Variants in TRIM45 observed in about 807,000 individuals in gnomAD.
TRIM45 encodes tripartite motif containing 45.
A neutral mutation model predicts 46.7 loss-of-function variants in TRIM45; 45 were observed. The observed-to-expected ratio is 0.96, with a 90% CI of 0.76 to 1.24. TRIM45 has a LOEUF of 1.24. Among genes scored for constraint, TRIM45 ranks in the 50% most tolerant of loss-of-function variants. The pLI is 0.00. For missense variants in TRIM45, 680 were observed against 728.4 expected, an observed-to-expected ratio of 0.93 and a Z score of 0.77; for synonymous variants, 259 against 285.8, an observed-to-expected ratio of 0.91 and a Z score of 0.94.
At position 117,120,833 on chromosome 1, in the gene TRIM45, C is replaced by T. The variant is rs769240342; in HGVS notation, c.369G>A (p.Leu123=). ...CCTGGCCTTCCCCACGTAGGCTCTC[C>T]AGCATCACATCATTCACGGCCAGGT... ...IDHLAVNDVM[L]ESLRGEGQGL... Residue 123 remains leucine, a synonymous_variant, in exon 1 of 6, where the codon CTG becomes CTA. Coordinates refer to ENST00000256649, the MANE Select transcript of TRIM45 (RefSeq NM_025188.4). The T allele has an allele frequency of 2.5e-6, 4 of 1,614,184 alleles. No individual in the cohort carries two copies. The highest frequency in any genetic ancestry group is 3.4e-6 in the Non-Finnish European group (4 of 1,180,032).
rs114616811 is a variant in TRIM45 at position 117,113,125 on chromosome 1, T to C, written c.1594+234A>G. 3.3e-3 allele frequency among the ~76,000 whole-genome samples: 497 copies of C among 152,324 alleles called. No individual in the cohort carries two copies. Among genetic ancestry groups the C allele is most frequent in the Non-Finnish European group, 6.0e-3 (408 of 68,006 alleles). On this transcript the variant is annotated intron_variant, in intron 5 of 5. Coordinates refer to ENST00000256649, the MANE Select transcript of TRIM45 (RefSeq NM_025188.4). This position sits in a 1 kb window ranked among gnomAD's most constrained non-coding sequence, Gnocchi z 4.0. Reference sequence around the variant, plus strand: ...ATCCTACATAGAAGCACAGGGCTCATAGGAGCTGTACCAAAACTAACAGAA... The same window carrying C: ...ATCCTACATAGAAGCACAGGGCTCACAGGAGCTGTACCAAAACTAACAGAA...
chr1:117,118,594 T>A lies in TRIM45; in HGVS notation c.662A>T (p.Glu221Val). The A allele has an allele frequency of 6.2e-7, 1 of 1,614,104 alleles. No individual in the cohort carries two copies. The highest frequency in any genetic ancestry group is 1.1e-5 in the South Asian group (1 of 91,058). Reference sequence around the variant, plus strand: ...ATTGCTGGTGAAGTCACAGGGGTGTTCCCGATGCTCCCCCACCACACAATC... The same window carrying A: ...ATTGCTGGTGAAGTCACAGGGGTGTACCCGATGCTCCCCCACCACACAATC... Reference protein sequence around the residue: ...CQDCVVGEHREHPCDFTSNVI... With the variant: ...CQDCVVGEHRVHPCDFTSNVI... Residue 221 changes from glutamate to valine, a missense_variant, in exon 2 of 6, where the codon GAA (glutamate) becomes GTA (valine). Coordinates refer to ENST00000256649, the MANE Select transcript of TRIM45 (RefSeq NM_025188.4). This position sits in a 1 kb window ranked among gnomAD's most constrained non-coding sequence, Gnocchi z 5.7.
rs1396756864 is a variant in TRIM45, at chr1:117,118,151, T to C, written c.1105A>G (p.Asn369Asp). The C allele has an allele frequency of 6.2e-7, 1 of 1,614,048 alleles. No homozygotes were observed. Among genetic ancestry groups the C allele is most frequent in the Non-Finnish European group, 8.5e-7 (1 of 1,180,042 alleles). Reference sequence around the variant, plus strand: ...TGAGGACAGAAGCGTATCTTATCATTTACTCCAGGACGGGTGCTATATTGA... The same window carrying C: ...TGAGGACAGAAGCGTATCTTATCATCTACTCCAGGACGGGTGCTATATTGA... ...KVQYSTRPGV[N>D]DKIRFCPQEK... Residue 369 changes from asparagine to aspartate, a missense_variant, in exon 2 of 6, where the codon AAT (asparagine) becomes GAT (aspartate). Coordinates refer to ENST00000256649, the MANE Select transcript of TRIM45 (RefSeq NM_025188.4). This position sits in a 1 kb window ranked among gnomAD's most constrained non-coding sequence, Gnocchi z 5.7.
In TRIM45 at chr1:117,121,735, C is replaced by G; in HGVS notation, c.-534G>C. The G allele has an allele frequency of 1.6e-6, 1 of 619,784 alleles. No homozygotes were observed. Among genetic ancestry groups the G allele is most frequent in the Non-Finnish European group, 3.0e-6 (1 of 338,548 alleles). 38.4% of individuals were successfully genotyped at this position (619,784 alleles called of 1,614,324 possible). On this transcript the variant is annotated 5_prime_UTR_variant, in exon 1 of 6. Coordinates refer to ENST00000256649, the MANE Select transcript of TRIM45 (RefSeq NM_025188.4). The surrounding 1 kb of genome is among the most constrained non-coding windows in gnomAD (Gnocchi z 4.2). ...CTCTCCCGCGCCTCGGCCCGGGACG[C>G]CCGCGGGCTCTGGCCCCTCCTCACA...
intron 4 of TRIM45, among the ~76,000 whole-genome samples, chr1:117,114,164 A>G (rs1650317307): frequency 1.3e-5 from 2 of 152,070 alleles, no homozygotes; most frequent in Admixed American, 1.3e-4. Context: ...TTACTCACCC[A>G]CTTATTCTGG....
Position 117,121,268 on chromosome 1 carries a change from T to G in TRIM45, c.-67A>C. 6.7e-7 allele frequency: 1 copy of G among 1,490,586 alleles called. No homozygotes were observed. 92.3% of individuals were successfully genotyped at this position (1,490,586 alleles called of 1,614,324 possible). A position where few individuals can be genotyped will look rare whatever the true frequency, so the allele number is the denominator to read the frequency against. On this transcript the variant is annotated 5_prime_UTR_variant, in exon 1 of 6. Coordinates refer to ENST00000256649, the MANE Select transcript of TRIM45 (RefSeq NM_025188.4). The surrounding 1 kb of genome is among the most constrained non-coding windows in gnomAD (Gnocchi z 4.2). ...AGTTCTACGATTTAGTAGCAGGTGA[T>G]TAAGCCCACCCAAAGAGAAAGTCTC...
At chr1:117,121,864 T>C, upstream of TRIM45, 1 of 714,584 alleles carries the variant, frequency 1.4e-6, no homozygotes, top group Non-Finnish European at 2.6e-6. The surrounding 1 kb of genome is among the most constrained non-coding windows in gnomAD (Gnocchi z 4.2). Context: ...CCACTAAGCA[T>C]CCAATAAGTT....
rs954737328 is a variant in TRIM45, at chr1:117,113,513, A to G, written c.1468-28T>C. 5.6e-6 allele frequency: 9 copies of G among 1,606,478 alleles called. No homozygotes were observed. The highest frequency in any genetic ancestry group is 7.7e-6 in the Non-Finnish European group (9 of 1,175,772). ...GCAGTGTTCAGACCAAAAGCAATGA[A>G]CAGCATCTTACGAGTTAACAGGATG... On this transcript the variant is annotated intron_variant, in intron 4 of 5. Transcript: ENST00000256649. This position sits in a 1 kb window ranked among gnomAD's most constrained non-coding sequence, Gnocchi z 4.0.
chr1:117,112,105 A>G lies in TRIM45; in HGVS notation c.*200T>C. 1 of 495,062 alleles carries G rather than the reference A, an allele frequency of 2.0e-6. No homozygotes were observed. The highest frequency in any genetic ancestry group is 3.3e-6 in the Non-Finnish European group (1 of 300,390). 30.7% of individuals were successfully genotyped at this position (495,062 alleles called of 1,614,324 possible). A position where few individuals can be genotyped will look rare whatever the true frequency, so the allele number is the denominator to read the frequency against. On this transcript the variant is annotated 3_prime_UTR_variant, in exon 6 of 6. Transcript: ENST00000256649. Reference sequence around the variant, plus strand: ...ACGTTGCCAACCTACCTTTAAGAGAAATGTAGAGGTGGTTTTTTGTGCTCA... The same window carrying G: ...ACGTTGCCAACCTACCTTTAAGAGAGATGTAGAGGTGGTTTTTTGTGCTCA...
In TRIM45 at chr1:117,121,244, G is replaced by C. The variant is rs550317309; in HGVS notation, c.-43C>G. Reference sequence around the variant, plus strand: ...CCAATATTAGAAAGGGCCCTGGGCAGTTCTACGATTTAGTAGCAGGTGATT... The same window carrying C: ...CCAATATTAGAAAGGGCCCTGGGCACTTCTACGATTTAGTAGCAGGTGATT... On this transcript the variant is annotated 5_prime_UTR_variant, in exon 1 of 6. Transcript: ENST00000256649. The surrounding 1 kb of genome is among the most constrained non-coding windows in gnomAD (Gnocchi z 4.2). 9 of 1,501,260 alleles carry C rather than the reference G, an allele frequency of 6.0e-6. No homozygotes were observed. Among genetic ancestry groups the C allele is most frequent in the Middle Eastern group, 1.9e-4 (1 of 5,398 alleles). The allele number at this position is 1,501,260 out of a possible 1,614,324, so 93.0% of individuals were successfully genotyped here. A position where few individuals can be genotyped will look rare whatever the true frequency, so the allele number is the denominator to read the frequency against.
chr1:117,117,852 C>A lies in TRIM45; in HGVS notation c.1222+182G>T, dbSNP rs1053369536. Among the ~76,000 whole-genome samples, 1 of 152,190 alleles carries A rather than the reference C, an allele frequency of 6.6e-6. No homozygotes were observed. The highest frequency in any genetic ancestry group is 6.5e-5 in the Admixed American group (1 of 15,284). Reference sequence around the variant, plus strand: ...AAGCCTCACTCCTGTATTAACTGTACCCTAGCCAGAACAAACCAGAAAGGG... The same window carrying A: ...AAGCCTCACTCCTGTATTAACTGTAACCTAGCCAGAACAAACCAGAAAGGG... On this transcript the variant is annotated intron_variant, in intron 2 of 5. Transcript: ENST00000256649. This position sits in a 1 kb window ranked among gnomAD's most constrained non-coding sequence, Gnocchi z 4.9.
Position 117,118,260 on chromosome 1 carries a change from C to G in TRIM45, c.996G>C (p.Glu332Asp), listed in dbSNP as rs1650478659. The G allele has an allele frequency of 1.2e-6, 2 of 1,614,112 alleles. No individual in the cohort carries two copies. The highest frequency in any genetic ancestry group is 8.5e-7 in the Non-Finnish European group (1 of 1,180,048). Residue 332 changes from glutamate to aspartate, a missense_variant, in exon 2 of 6, where the codon GAG becomes GAC. Coordinates refer to ENST00000256649, the MANE Select transcript of TRIM45 (RefSeq NM_025188.4). This position sits in a 1 kb window ranked among gnomAD's most constrained non-coding sequence, Gnocchi z 5.7. ...AGTCTGAGCCGCTGGTCAGCAAGTG[C>G]TCGGTGAACTCCACTCCAGTCCGCA... ...ADMRTGVEFT[E>D]HLLTSGSDLE...
rs375439307 is a variant in TRIM45, at chr1:117,119,515, G to A, written c.489-748C>T. Among the ~76,000 whole-genome samples the A allele has an allele frequency of 4.6e-5, 7 of 152,218 alleles. No homozygotes were observed. The East Asian group carries it at 9.7e-4, about 21-fold the overall frequency. On this transcript the variant is annotated intron_variant, in intron 1 of 5. Transcript: ENST00000256649. The stretch of plus-strand genomic sequence containing the variant: ...CCAGCTACTGGGGAGGCTGAGGCAG[G>A]AGAATCGCTTGAACCTAGGAGGTGG...
rs1489065962 is a variant in TRIM45, at chr1:117,111,704, G to A, written c.*601C>T. On this transcript the variant is annotated 3_prime_UTR_variant, in exon 6 of 6. Transcript: ENST00000256649. Reference sequence around the variant, plus strand: ...TGCTTGTAACCCCAGCACTTTGGGAGGCCGAGGCAGGTGGATCACGAGGTC... The same window carrying A: ...TGCTTGTAACCCCAGCACTTTGGGAAGCCGAGGCAGGTGGATCACGAGGTC... 1 of 152,182 alleles carries A rather than the reference G, an allele frequency of 6.6e-6. No individual in the cohort carries two copies. Among genetic ancestry groups the A allele is most frequent in the Non-Finnish European group, 1.5e-5 (1 of 68,088 alleles). 9.4% of individuals were successfully genotyped at this position (152,182 alleles called of 1,614,324 possible).
At position 117,113,407 on chromosome 1, in the gene TRIM45, T is replaced by C. The variant is rs150984161; in HGVS notation, c.1546A>G (p.Ser516Gly). Reference sequence around the variant, plus strand: ...CAGCGAGCGGTTTTCTGGCCCCCGCTGGAGCAGAAGGTGCAGCAGTGAAAC... The same window carrying C: ...CAGCGAGCGGTTTTCTGGCCCCCGCCGGAGCAGAAGGTGCAGCAGTGAAAC... ...GVFHCCTFCS[S>G]GGQKTARCAC... Residue 516 changes from serine (S) to glycine (G), a missense_variant, in exon 5 of 6, where the codon AGC becomes GGC. Ser to Gly is a moderately conservative substitution (Grantham distance 56). Around this residue, in one of 3 missense-constraint regions of TRIM45, gnomAD observed 322 missense variants for 359.3 expected, o/e 0.90. Transcript: ENST00000256649. The surrounding 1 kb of genome is among the most constrained non-coding windows in gnomAD (Gnocchi z 4.0). 6.1e-4 allele frequency: 977 copies of C among 1,612,386 alleles called. No individual in the cohort carries two copies. Among genetic ancestry groups the C allele is most frequent in the Non-Finnish European group, 7.6e-4 (899 of 1,179,940 alleles).
chr1:117,116,721 T>A lies in TRIM45; in HGVS notation c.1247A>T (p.Gln416Leu). ...GEDLHRAREK[Q>L]TASFTLLCKD... The stretch of plus-strand genomic sequence containing the variant: ...ACAAAGCAGGGTGAAAGAGGCCGTC[T>A]GTTTCTCCCGGGCTCTGTGGAGGTC... Residue 416 changes from glutamine to leucine, a missense_variant, in exon 3 of 6, where the codon CAG becomes CTG. Gln to Leu is a moderately radical substitution (Grantham distance 113). Coordinates refer to ENST00000256649, the MANE Select transcript of TRIM45 (RefSeq NM_025188.4). This position sits in a 1 kb window ranked among gnomAD's most constrained non-coding sequence, Gnocchi z 4.6. 6.2e-7 allele frequency: 1 copy of A among 1,614,200 alleles called. No homozygotes were observed. Among genetic ancestry groups the A allele is most frequent in the Non-Finnish European group, 8.5e-7 (1 of 1,180,018 alleles).
chr1:117,120,602 T>A, intron 1 of TRIM45, 112 bp downstream of exon 1: 1 of 1,455,564 alleles, frequency 6.9e-7, no homozygotes, highest in Non-Finnish European at 9.2e-7. Context: ...CTCTTTGACC[T>A]TCCACGGTAT....
Position 117,116,176 on chromosome 1 carries a change from C to T in TRIM45, c.1352+440G>A, listed in dbSNP as rs1650390172. ...CCACACAAGAAAACACATTTGGTCA[C>T]GTAACGTTTCATAGTATTATGGGGA... is the stretch of plus-strand genomic sequence containing the variant. On this transcript the variant is annotated intron_variant, in intron 3 of 5. Transcript: ENST00000256649. The surrounding 1 kb of genome is among the most constrained non-coding windows in gnomAD (Gnocchi z 4.6). 3.3e-5 allele frequency among the ~76,000 whole-genome samples: 5 copies of T among 151,842 alleles called. No homozygotes were observed. Among genetic ancestry groups the T allele is most frequent in the Admixed American group, 1.3e-4 (2 of 15,264 alleles).
upstream of TRIM45, among the ~76,000 whole-genome samples, chr1:117,123,790 T>G (rs868560430): frequency 2.0e-5 from 3 of 152,040 alleles, no homozygotes; most frequent in African/African-American, 7.2e-5. Flanking sequence ...CCACCACACC[T>G]GGCTAATTTT....
Sources: gnomAD v4.1 joint callset for allele counts (sites outside exome capture counted in the v4.1 genomes callset) on GRCh38, gnomAD v4.1.1 for gene constraint, gnomAD v4.1.1 regional missense constraint, Gnocchi (gnomAD v3.1) non-coding constraint, MANE v1.5 for transcripts, NCBI Gene and HGNC (gene_info 2026-07-23, HGNC 2026-07-21) for gene names.